The following CCDC125 variants were observed in gnomAD, a reference collection of about 807,000 sequenced individuals.
CCDC125 encodes coiled-coil domain-containing protein 125.
A neutral mutation model predicts 57.4 loss-of-function variants in CCDC125; 43 were observed. The ratio of observed to expected loss-of-function variants is 0.75; its 90% CI spans 0.59 to 0.97. The LOEUF is 0.97. CCDC125 is among the 50% of genes least tolerant of loss of function. The probability of loss-of-function intolerance (pLI) is 0.00; values close to 1 mark genes in which losing one functional copy is unlikely to be tolerated. For missense variants in CCDC125, 563 were observed against 595.7 expected (o/e 0.95, Z 0.57); for synonymous variants, 187 against 195.2 (o/e 0.96, Z 0.35).
intron 7 of CCDC125, 83 bp from the exon 8 acceptor site, chr5:69,300,210 T>C (rs1315227460): frequency 6.1e-6 from 6 of 984,498 alleles, no homozygotes; most frequent in Non-Finnish European, 8.2e-6. Context: ...CATGACATAT[T>C]CATTTCGTAC....
downstream of CCDC125, chr5:69,276,840 CCG>C (rs1752199135): frequency 1.3e-6 from 1 of 759,860 alleles, no homozygotes; most frequent in African/African-American, 1.8e-5. Context: ...AGAGACTGTG[CCG>C]TTTTAGGTAT....
downstream of CCDC125, among the ~76,000 whole-genome samples, chr5:69,279,201 T>G (rs1158392634): frequency 5.4e-5 from 8 of 147,048 alleles, no homozygotes; most frequent in South Asian, 1.5e-3. Context: ...CAGGTTTGTT[T>G]TTTTTTTTTT....
chr5:69,313,699 C>G (rs1189969612), intron 3 of CCDC125: 1 of 763,464 alleles, frequency 1.3e-6, no homozygotes, highest in East Asian at 2.5e-5. Context: ...TCCACATTGC[C>G]CACCAGTATC....
At chr5:69,292,080 G>C (rs777705690) in intron 10 of CCDC125, 108 bp downstream of exon 10, 72 of 1,004,974 alleles carry the variant, frequency 7.2e-5, no homozygotes, top group Non-Finnish European at 9.6e-5. Context: ...CATATGTGAA[G>C]TTTCAATTAT....
intron 2 of CCDC125, among the ~76,000 whole-genome samples, chr5:69,314,521 C>T (rs1758691507): frequency 6.6e-6 from 1 of 151,488 alleles, no homozygotes; most frequent in African/African-American, 2.4e-5. Flanking sequence ...TAAAACATTT[C>T]ACAAATGAAA....
intron 6 of CCDC125, among the ~76,000 whole-genome samples, chr5:69,304,676 C>A (rs777790191): frequency 1.2e-4 from 18 of 152,160 alleles, no homozygotes; most frequent in Middle Eastern, 6.8e-3. Flanking sequence ...CTGCCCACCT[C>A]GGCCTCCCAA....
rs1756359682 is a variant in CCDC125 at position 69,301,103 on chromosome 5, A to AAC, written c.701-977_701-976insGT. On this transcript the variant is annotated intron_variant, in intron 7 of 11. Coordinates refer to ENST00000396496, the MANE Select transcript of CCDC125 (RefSeq NM_176816.5). ...AGCAAGACTCCCTCTCAAAAAAAAAAAAAAAAAACCAGGTGCATGCTACCA... is the reference window on the plus strand; with the variant it reads ...AGCAAGACTCCCTCTCAAAAAAAAAAACAAAAAAAACCAGGTGCATGCTACCA... 5.9e-5 allele frequency among the ~76,000 whole-genome samples: 9 copies of AAC among 151,508 alleles called. 1 individual carries two copies. In the South Asian group the frequency reaches 1.9e-3, roughly 32 times the overall value.
chr5:69,290,918 C>T (rs1032085914), intron 10 of CCDC125, among the ~76,000 whole-genome samples: 3 of 152,138 alleles, frequency 2.0e-5, no homozygotes, highest in African/African-American at 4.8e-5. Flanking sequence ...GCATGAGCCA[C>T]GACGCCCAGC....
At chr5:69,276,905 T>A (rs187712855), downstream of CCDC125, among the ~76,000 whole-genome samples, 1 of 152,242 alleles carries the variant, frequency 6.6e-6, no homozygotes, top group Non-Finnish European at 1.5e-5. Flanking sequence ...CTCAGAATTA[T>A]GGGAACTATG....
chr5:69,317,685 G>GT (rs1205341537), intron 2 of CCDC125, among the ~76,000 whole-genome samples: 1 of 152,140 alleles, frequency 6.6e-6, no homozygotes, highest in Non-Finnish European at 1.5e-5. Context: ...TTTTGGAGTT[G>GT]TAACATTTTA....
At chr5:69,318,517 C>T (rs866813420) in intron 2 of CCDC125, among the ~76,000 whole-genome samples, 4 of 148,908 alleles carry the variant, frequency 2.7e-5, no homozygotes, top group Non-Finnish European at 5.9e-5. Context: ...CTGAGGTGGG[C>T]GGATCACTTG....
intron 1 of CCDC125, among the ~76,000 whole-genome samples, chr5:69,324,654 T>C (rs1054240791): frequency 2.0e-5 from 3 of 152,222 alleles, no homozygotes; most frequent in Non-Finnish European, 4.4e-5. Context: ...TTCTGACATA[T>C]GCATTACACA....
At chr5:69,307,189 C>T (rs539017688) in intron 5 of CCDC125, among the ~76,000 whole-genome samples, 6 of 152,140 alleles carry the variant, frequency 3.9e-5, no homozygotes, top group East Asian at 3.9e-4. Context: ...TGCCCACCTC[C>T]GCTGCATGTA....
rs1490022978 is a variant in CCDC125, at chr5:69,306,209, G to A, written c.617+608C>T. 2.0e-5 allele frequency among the ~76,000 whole-genome samples: 3 copies of A among 151,690 alleles called. No homozygotes were observed. In the East Asian group the frequency reaches 5.8e-4, roughly 29 times the overall value. ...CCCAAAGTGCTGAAATTACAGGTGTGAGCCATCATGCCCAGCCCCTCAAAA... is the reference window on the plus strand; with the variant it reads ...CCCAAAGTGCTGAAATTACAGGTGTAAGCCATCATGCCCAGCCCCTCAAAA... On this transcript the variant is annotated intron_variant, in intron 6 of 11. Coordinates refer to ENST00000396496, the MANE Select transcript of CCDC125 (RefSeq NM_176816.5).
chr5:69,291,998 G>T (rs952306934), intron 10 of CCDC125, among the ~76,000 whole-genome samples, 190 bp downstream of exon 10: 3 of 152,166 alleles, frequency 2.0e-5, no homozygotes, highest in African/African-American at 7.2e-5. Context: ...GATTCCAGTA[G>T]TTCACCTGCA....
intron 11 of CCDC125, among the ~76,000 whole-genome samples, chr5:69,283,869 A>C (rs1752865599): frequency 6.6e-6 from 1 of 150,960 alleles, no homozygotes; most frequent in Non-Finnish European, 1.5e-5. Flanking sequence ...GGCTCACTGC[A>C]AGCTCCGCTC....
chr5:69,282,777 A>G lies in CCDC125; in HGVS notation c.1488T>C (p.Tyr496=), dbSNP rs747457653. 8.1e-6 allele frequency: 13 copies of G among 1,611,586 alleles called. No homozygotes were observed. The highest frequency in any genetic ancestry group is 4.4e-5 in the South Asian group (4 of 90,008). ...SIQHSQIDPN[Y]RTLKRSHSLP... The stretch of plus-strand genomic sequence containing the variant: ...AAGAATGGGATCTTTTAAGAGTTCT[A>G]TAGTTTGGATCTATTTGAGAGTGCT... The change falls in exon 12 of 12, where the codon TAT becomes TAC. Residue 496 remains tyrosine (Y), a synonymous_variant. Transcript: ENST00000396496.
intron 10 of CCDC125, among the ~76,000 whole-genome samples, chr5:69,286,552 C>T (rs1753519316): frequency 6.6e-6 from 1 of 151,706 alleles, no homozygotes; most frequent in South Asian, 2.1e-4. Context: ...TATATTTTAC[C>T]ACCATCACGA....
At chr5:69,304,928 T>TA (rs1757095095) in intron 6 of CCDC125, among the ~76,000 whole-genome samples, 1 of 151,840 alleles carries the variant, frequency 6.6e-6, no homozygotes, top group Non-Finnish European at 1.5e-5. Context: ...ACATTGGTTA[T>TA]AAAAAATGTA....
Sources: gnomAD v4.1 joint callset for allele counts (sites outside exome capture counted in the v4.1 genomes callset) on GRCh38, gnomAD v4.1.1 for gene constraint, MANE v1.5 for transcripts, NCBI Gene and HGNC (gene_info 2026-07-23, HGNC 2026-07-21) for gene names.